GRIA4: variants seen among roughly 807,000 people sequenced by gnomAD.
GRIA4 encodes glutamate ionotropic receptor AMPA type subunit 4, also known as glutamate receptor 4.
A neutral mutation model predicts 104.0 loss-of-function variants in GRIA4; 34 were observed. The ratio of observed to expected loss-of-function variants is 0.33; its 90% CI spans 0.25 to 0.44. GRIA4 has a LOEUF of 0.44. Ranked by LOEUF, GRIA4 falls within the 20% of genes least tolerant of loss-of-function variation. GRIA4 has a pLI of 1.00. For missense variants in GRIA4, 750 were observed against 1,096.5 expected, an observed-to-expected ratio of 0.68 and a Z score of 4.46; for synonymous variants, 386 against 381.9, an observed-to-expected ratio of 1.01 and a Z score of -0.13.
intron 3 of GRIA4, among the ~76,000 whole-genome samples, chr11:105,732,110 A>G (rs1172624303): frequency 6.6e-6 from 1 of 152,202 alleles, no homozygotes; most frequent in African/African-American, 2.4e-5. Flanking sequence ...AATAACAGCT[A>G]CTATCTCTAG....
chr11:105,714,253 AC>A (rs1195625261), intron 3 of GRIA4, among the ~76,000 whole-genome samples: 10 of 101,536 alleles, frequency 9.8e-5, no homozygotes, highest in East Asian at 2.4e-4. Flanking sequence ...ATTTTGAAAA[AC>A]AAAAAAAAAA....
chr11:105,723,735 G>A (rs985925955), intron 3 of GRIA4, among the ~76,000 whole-genome samples: 7 of 152,210 alleles, frequency 4.6e-5, no homozygotes, highest in Middle Eastern at 3.4e-3. Context: ...TGAACAGTAA[G>A]TAGAAAGTGA....
intron 3 of GRIA4, among the ~76,000 whole-genome samples, chr11:105,686,073 T>C (rs1340439481): frequency 3.3e-5 from 5 of 152,144 alleles, no homozygotes; most frequent in African/African-American, 1.2e-4. Flanking sequence ...GTTTCTTTTT[T>C]TCAACTTTTA....
intron 5 of GRIA4, among the ~76,000 whole-genome samples, chr11:105,865,470 T>G (rs1263752893): frequency 2.0e-5 from 3 of 152,204 alleles, no homozygotes; most frequent in Non-Finnish European, 4.4e-5. Context: ...CTTAAATTGC[T>G]ATGAGTTTGA....
At chr11:105,779,492 T>C (rs1474258628) in intron 4 of GRIA4, among the ~76,000 whole-genome samples, 1 of 152,188 alleles carries the variant, frequency 6.6e-6, no homozygotes, top group East Asian at 1.9e-4. Flanking sequence ...TTCCCACCTA[T>C]GAGTGAGAAT....
chr11:105,836,086 A>G (rs55855997), intron 4 of GRIA4, among the ~76,000 whole-genome samples: 7,078 of 152,156 alleles, frequency 0.047, 378 homozygotes, highest in African/African-American at 0.13. Context: ...TTTCTCCAGT[A>G]AAGAGTTAAG....
intron 16 of GRIA4, among the ~76,000 whole-genome samples, chr11:105,979,365 T>C (rs1324119232): frequency 1.3e-5 from 2 of 152,228 alleles, no homozygotes; most frequent in Non-Finnish European, 2.9e-5. Context: ...TTTCCACAAG[T>C]AGGACCACAA....
At chr11:105,892,390 T>C (rs1227053156) in intron 6 of GRIA4, among the ~76,000 whole-genome samples, 1 of 152,142 alleles carries the variant, frequency 6.6e-6, no homozygotes, top group African/African-American at 2.4e-5. Flanking sequence ...GCTCAATCAT[T>C]AAAAAGATAT....
At chr11:105,957,786 T>C (rs994509081) in intron 14 of GRIA4, among the ~76,000 whole-genome samples, 7 of 152,324 alleles carry the variant, frequency 4.6e-5, no homozygotes, top group African/African-American at 1.4e-4. Flanking sequence ...TTTTATTTCA[T>C]TGAGCAGTGG....
chr11:105,636,588 C>A (rs1184977727), intron 3 of GRIA4, among the ~76,000 whole-genome samples: 1 of 152,106 alleles, frequency 6.6e-6, no homozygotes, highest in Non-Finnish European at 1.5e-5. Context: ...TCCCCTTTTT[C>A]CCTTGTGTTC....
chr11:105,970,889 G>A (rs1193778436), intron 14 of GRIA4, among the ~76,000 whole-genome samples: 2 of 152,100 alleles, frequency 1.3e-5, no homozygotes, highest in African/African-American at 2.4e-5. Context: ...GAGTGAAAAC[G>A]GAAAGAATTA....
intron 4 of GRIA4, among the ~76,000 whole-genome samples, chr11:105,813,108 A>C (rs1247015452): frequency 1.3e-5 from 2 of 151,182 alleles, no homozygotes; most frequent in Non-Finnish European, 2.9e-5. Context: ...AAAAAAAAAA[A>C]AAAAAAAGAA....
intron 4 of GRIA4, among the ~76,000 whole-genome samples, chr11:105,841,289 C>G (rs1450264105): frequency 6.6e-6 from 1 of 151,952 alleles, no homozygotes; most frequent in Non-Finnish European, 1.5e-5. Flanking sequence ...GTTTCTACAT[C>G]TAATATCCTC....
chr11:105,966,108 T>C (rs754952055), intron 14 of GRIA4: 1 of 1,258,970 alleles, frequency 7.9e-7, no homozygotes. Flanking sequence ...TGTAAAGTAA[T>C]AGGTGCATCT....
At chr11:105,965,851 C>A in intron 14 of GRIA4, 1 of 860,464 alleles carries the variant, frequency 1.2e-6, no homozygotes, top group Non-Finnish European at 1.9e-6. Flanking sequence ...GTTTATTTAG[C>A]GTCTGGGAGA....
At chr11:105,812,171 T>G (rs1943198786) in intron 4 of GRIA4, among the ~76,000 whole-genome samples, 1 of 152,150 alleles carries the variant, frequency 6.6e-6, no homozygotes. Flanking sequence ...GACCTTTGAG[T>G]TCCTTCAGGG....
intron 3 of GRIA4, among the ~76,000 whole-genome samples, chr11:105,681,253 A>C (rs1952701734): frequency 6.6e-6 from 1 of 152,202 alleles, no homozygotes; most frequent in South Asian, 2.1e-4. Flanking sequence ...AAAATTAGAG[A>C]TTTCAAGGAC....
rs148660817 is a variant in GRIA4, at chr11:105,757,260, C to T, written c.487+4040C>T. On this transcript the variant is annotated intron_variant, in intron 4 of 16. Coordinates refer to ENST00000282499, the MANE Select transcript of GRIA4 (RefSeq NM_000829.4). ...AGGGTTATGTGTCCGGCTCCTTTAACTTGGTGAGAGGAGGCAAAGGGAGGC... is the reference window on the plus strand; with the variant it reads ...AGGGTTATGTGTCCGGCTCCTTTAATTTGGTGAGAGGAGGCAAAGGGAGGC... Among the ~76,000 whole-genome samples, 981 of 152,214 alleles carry T rather than the reference C, an allele frequency of 6.4e-3. 6 individuals carry two copies. The highest frequency in any genetic ancestry group is 0.017 in the Middle Eastern group (5 of 294).
intron 4 of GRIA4, among the ~76,000 whole-genome samples, chr11:105,835,139 T>A (rs981341986): frequency 1.3e-5 from 2 of 151,952 alleles, no homozygotes; most frequent in Non-Finnish European, 2.9e-5. Context: ...TTTCAATATT[T>A]TATTTAATGT....
Sources: allele counts gnomAD v4.1 joint callset (sites outside exome capture counted in the v4.1 genomes callset), GRCh38; gene constraint gnomAD v4.1.1; transcripts MANE v1.5; gene names NCBI Gene and HGNC (gene_info 2026-07-23, HGNC 2026-07-21).